The following ADAMTSL1 variants were observed in gnomAD, a reference collection of about 807,000 sequenced individuals.
ADAMTSL1 encodes ADAMTS-like protein 1.
A neutral mutation model predicts 201.8 loss-of-function variants in ADAMTSL1; 126 were observed. The ratio of observed to expected loss-of-function variants is 0.62; its 90% CI spans 0.54 to 0.72. ADAMTSL1 has a LOEUF of 0.72. Among genes scored for constraint, ADAMTSL1 ranks in the 30% least tolerant of loss-of-function variants. The probability of loss-of-function intolerance (pLI) is 0.00; values close to 1 mark genes in which losing one functional copy is unlikely to be tolerated. For missense variants in ADAMTSL1, 2,679 were observed against 2,277.8 expected, an observed-to-expected ratio of 1.18 and a Z score of -3.59; for synonymous variants, 1,121 against 903.4, an observed-to-expected ratio of 1.24 and a Z score of -4.32.
chr9:17,921,788 C>T (rs1826312357), intron 1 of ADAMTSL1, among the ~76,000 whole-genome samples: 1 of 152,136 alleles, frequency 6.6e-6, no homozygotes, highest in African/African-American at 2.4e-5. Context: ...GGAAGAGATT[C>T]CGTGCTCACT....
chr9:18,688,675 A>T (rs1430903131), intron 13 of ADAMTSL1, among the ~76,000 whole-genome samples: 2 of 30,646 alleles, frequency 6.5e-5, no homozygotes, highest in African/African-American at 1.9e-4. Flanking sequence ...AAAAAAAAAA[A>T]AAAAAAAAAA....
intron 16 of ADAMTSL1, among the ~76,000 whole-genome samples, chr9:18,763,900 AT>A (rs1326352393): frequency 1.3e-5 from 2 of 152,110 alleles, no homozygotes; most frequent in Non-Finnish European, 2.9e-5. Flanking sequence ...CTGTATTATA[AT>A]TTGAAGTCAG....
Position 18,887,897 on chromosome 9 carries a change from C to G in ADAMTSL1, c.4316C>G (p.Thr1439Ser), listed in dbSNP as rs1468790032. 1 of 1,613,994 alleles carries G rather than the reference C, an allele frequency of 6.2e-7. No individual in the cohort carries two copies. The highest frequency in any genetic ancestry group is 1.1e-5 in the South Asian group (1 of 91,060). Reference sequence around the variant, plus strand: ...TTTCATGGTGGTCAGCCAATTGTCACTGCCACAGGACTGACGCATCACATC... The same window carrying G: ...TTTCATGGTGGTCAGCCAATTGTCAGTGCCACAGGACTGACGCATCACATC... ...TWFHGGQPIV[T>S]ATGLTHHILA... Residue 1439 changes from threonine to serine, a missense_variant, in exon 24 of 29, where the codon ACT becomes AGT. By Grantham distance (58) the Thr-to-Ser change is moderately conservative. Transcript: ENST00000380548.
rs546738399 is a variant in ADAMTSL1 at position 18,206,678 on chromosome 9, TA to T, written c.207+42704del. On this transcript the variant is annotated intron_variant, in intron 2 of 29. Coordinates refer to the ADAMTSL1 transcript ENST00000680146. Reference sequence around the variant, plus strand: ...TATCCTTTCTCTATCTTTTAGGACTTAAAAAAATATTTGTTGATGCTTCTTT... The same window carrying T: ...TATCCTTTCTCTATCTTTTAGGACTTAAAAAATATTTGTTGATGCTTCTTT... 1.4e-3 allele frequency among the ~76,000 whole-genome samples: 210 copies of T among 152,264 alleles called. 2 individuals are homozygous for T. The highest frequency in any genetic ancestry group is 0.012 in the Admixed American group (185 of 15,284).
In ADAMTSL1 at chr9:18,205,478, G is replaced by GA. The variant is rs555234340; in HGVS notation, c.207+41506dup. Among the ~76,000 whole-genome samples the GA allele has an allele frequency of 1.9e-3, 277 of 148,342 alleles. 1 individual carries two copies. Among genetic ancestry groups the GA allele is most frequent in the African/African-American group, 3.9e-3 (158 of 40,422 alleles). On this transcript the variant is annotated intron_variant, in intron 2 of 29. Transcript: ENST00000680146. ...CTCCCTTTGTTTTGAGTAAATCTGG[G>GA]AAAAAAAAACGAAAAGTTTTAATGT...
At chr9:18,650,729 C>G (rs1175879918) in intron 7 of ADAMTSL1, among the ~76,000 whole-genome samples, 2 of 152,118 alleles carry the variant, frequency 1.3e-5, no homozygotes, top group East Asian at 1.9e-4. Context: ...ATCTTGCTTC[C>G]TAGAGCAGCG....
At chr9:18,264,151 C>A (rs1281471842) in intron 2 of ADAMTSL1, among the ~76,000 whole-genome samples, 1 of 152,054 alleles carries the variant, frequency 6.6e-6, no homozygotes, top group Admixed American at 6.6e-5. Flanking sequence ...ATTGTCTATT[C>A]CTCCCTCTTA....
rs147124491 is a variant in ADAMTSL1, at chr9:18,142,419, G to A, written c.88-21443G>A. On this transcript the variant is annotated intron_variant, in intron 1 of 29. Coordinates refer to the ADAMTSL1 transcript ENST00000680146. ...ACCGGCTCTTCTTTTCATAATATGCGTTCTTTAAAACCTTAGAAATCTCTT... is the reference window on the plus strand; with the variant it reads ...ACCGGCTCTTCTTTTCATAATATGCATTCTTTAAAACCTTAGAAATCTCTT... Among the ~76,000 whole-genome samples the A allele has an allele frequency of 4.5e-3, 690 of 152,290 alleles. 8 individuals carry two copies. Among genetic ancestry groups the A allele is most frequent in the African/African-American group, 0.015 (635 of 41,566 alleles).
intron 15 of ADAMTSL1, among the ~76,000 whole-genome samples, chr9:18,729,831 A>C (rs1278464829): frequency 1.3e-5 from 2 of 152,164 alleles, no homozygotes; most frequent in African/African-American, 2.4e-5. Context: ...AAGCCTCCTG[A>C]GTTCTTCATT....
intron 2 of ADAMTSL1, among the ~76,000 whole-genome samples, chr9:18,515,894 T>C (rs75922368): frequency 1.3e-5 from 2 of 152,106 alleles, no homozygotes; most frequent in African/African-American, 4.8e-5. Flanking sequence ...ACAAACATGA[T>C]CCTTTAAGCT....
chr9:18,684,983 T>C, intron 13 of ADAMTSL1, 183 bp downstream of exon 13: 2 of 1,368,474 alleles, frequency 1.5e-6, no homozygotes, highest in Non-Finnish European at 1.9e-6. Context: ...GATGATTGCA[T>C]TGTAAATACT....
At chr9:18,004,789 GA>G (rs1483082801) in intron 1 of ADAMTSL1, among the ~76,000 whole-genome samples, 1 of 152,122 alleles carries the variant, frequency 6.6e-6, no homozygotes, top group Non-Finnish European at 1.5e-5. Flanking sequence ...TTTATTAGAA[GA>G]AGGAGCATTA....
intron 24 of ADAMTSL1, 40 bp from the exon 25 acceptor site, chr9:18,889,528 T>C (rs1004577064): frequency 1.9e-6 from 3 of 1,602,082 alleles, no homozygotes; most frequent in Non-Finnish European, 2.6e-6. Context: ...TGGGCAATTA[T>C]GCTATATTCT....
intron 2 of ADAMTSL1, among the ~76,000 whole-genome samples, chr9:18,186,515 G>A (rs910412383): frequency 4.6e-5 from 7 of 152,012 alleles, no homozygotes; most frequent in South Asian, 2.1e-4. Context: ...TCATTTTGCC[G>A]ACTGTAGAAT....
intron 6 of ADAMTSL1, among the ~76,000 whole-genome samples, chr9:18,638,611 G>GTT (rs201577404): frequency 2.0e-5 from 3 of 151,712 alleles, no homozygotes; most frequent in African/African-American, 7.3e-5. Flanking sequence ...AGAAATCAAG[G>GTT]TTTTTTTTCT....
chr9:18,145,819 A>T (rs530676217), intron 1 of ADAMTSL1, among the ~76,000 whole-genome samples: 1 of 152,226 alleles, frequency 6.6e-6, no homozygotes, highest in Non-Finnish European at 1.5e-5. Context: ...ACAAGCCCAT[A>T]GAATGGGAGA....
At chr9:18,552,117 T>C (rs1405794808) in intron 3 of ADAMTSL1, among the ~76,000 whole-genome samples, 1 of 151,934 alleles carries the variant, frequency 6.6e-6, no homozygotes, top group Non-Finnish European at 1.5e-5. Flanking sequence ...TTGATATTTA[T>C]ATTATTTTCT....
intron 20 of ADAMTSL1, among the ~76,000 whole-genome samples, chr9:18,801,575 TTC>T: frequency 6.6e-6 from 1 of 152,190 alleles, no homozygotes; most frequent in Admixed American, 6.5e-5. Flanking sequence ...TTCCCCCTTC[TTC>T]GTGTTCATGA....
intron 4 of ADAMTSL1, among the ~76,000 whole-genome samples, chr9:18,615,482 C>T (rs768500494): frequency 2.0e-5 from 3 of 152,138 alleles, no homozygotes; most frequent in South Asian, 2.1e-4. Context: ...AATATTCAAA[C>T]TTGTTATTAC....
Sources: allele counts gnomAD v4.1 joint callset (sites outside exome capture counted in the v4.1 genomes callset), GRCh38; gene constraint gnomAD v4.1.1; transcripts MANE v1.5; gene names NCBI Gene and HGNC (gene_info 2026-07-23, HGNC 2026-07-21).